Variants in FBXO34 observed in about 807,000 individuals in gnomAD.
The protein encoded by FBXO34 is F-box only protein 34.
A neutral mutation model predicts 24.5 loss-of-function variants in FBXO34; 12 were observed. The ratio of observed to expected loss-of-function variants is 0.49; its 90% CI spans 0.31 to 0.79. FBXO34 has a LOEUF of 0.79. Ranked by LOEUF, FBXO34 falls within the 30% of genes least tolerant of loss-of-function variation. The pLI is 0.04. For missense variants in FBXO34, 823 were observed against 857.7 expected (o/e 0.96, Z 0.51); for synonymous variants, 320 against 311.9 (o/e 1.03, Z -0.27).
intron 1 of FBXO34, among the ~76,000 whole-genome samples, chr14:55,286,746 G>T (rs1163271466): frequency 2.0e-5 from 3 of 151,812 alleles, no homozygotes; most frequent in African/African-American, 7.2e-5. Context: ...TTTGATGTTT[G>T]TACTACAGGT....
chr14:55,403,625 T>C, the FBXO34 span, among the ~76,000 whole-genome samples: 6 of 152,174 alleles, frequency 3.9e-5, no homozygotes, highest in East Asian at 1.2e-3. Context: ...AAAGGAATAA[T>C]ATTGTGTACC....
At chr14:55,411,582 G>T in the FBXO34 span, 3 of 1,589,806 alleles carry the variant, frequency 1.9e-6, no homozygotes, top group Non-Finnish European at 2.6e-6. Flanking sequence ...GAAACAATAG[G>T]GCCGTGGCGG....
exon 3 of FBXO34, chr14:55,367,363 G>C (rs1336851492): frequency 6.6e-6 from 1 of 152,126 alleles, no homozygotes; most frequent in African/African-American, 2.4e-5. Context: ...CACTCTCTAC[G>C]AACTCCAGAA....
the FBXO34 span, among the ~76,000 whole-genome samples, chr14:55,408,671 T>A: frequency 8.4e-3 from 1,271 of 152,162 alleles, 21 homozygotes; most frequent in African/African-American, 0.029. Context: ...CTCAAAAGGT[T>A]AAGATGGGAG....
chr14:55,307,653 G>GT (rs1298832270), intron 1 of FBXO34, among the ~76,000 whole-genome samples: 2 of 152,142 alleles, frequency 1.3e-5, no homozygotes, highest in Non-Finnish European at 2.9e-5. Flanking sequence ...ATGAGCAAAG[G>GT]TTTTTTTGTG....
chr14:55,380,876 T>TATATATATATATATATATATATA, the FBXO34 span, among the ~76,000 whole-genome samples: 2 of 84,338 alleles, frequency 2.4e-5, no homozygotes, highest in Admixed American at 1.1e-4. Context: ...TATATATATA[T>TATATATATATATATATATATATA]TTTTTTTTTT....
chr14:55,394,142 G>A, the FBXO34 span, among the ~76,000 whole-genome samples: 1 of 151,948 alleles, frequency 6.6e-6, no homozygotes, highest in Non-Finnish European at 1.5e-5. Context: ...GAGTAGCTGG[G>A]ATTACAGGCG....
At chr14:55,275,580 T>G (rs1381837853) in intron 1 of FBXO34, among the ~76,000 whole-genome samples, 4 of 151,088 alleles carry the variant, frequency 2.6e-5, no homozygotes, top group African/African-American at 9.8e-5. Flanking sequence ...GTTGGGAGGC[T>G]GAGGCGGGCA....
chr14:55,395,936 T>C, the FBXO34 span: 2 of 1,587,636 alleles, frequency 1.3e-6, no homozygotes, highest in Non-Finnish European at 8.6e-7. Context: ...GTATTACAAC[T>C]TACCAACTGA....
At chr14:55,428,125 T>TTTTTTTTTC in the FBXO34 span, among the ~76,000 whole-genome samples, 1 of 92,366 alleles carries the variant, frequency 1.1e-5, no homozygotes, top group Non-Finnish European at 2.3e-5. Flanking sequence ...TTATCTTTTT[T>TTTTTTTTTC]TTTTTTTTTT....
chr14:55,437,369 T>C, the FBXO34 span, among the ~76,000 whole-genome samples: 2 of 152,192 alleles, frequency 1.3e-5, no homozygotes, highest in Non-Finnish European at 2.9e-5. Context: ...TCCCAGCTAC[T>C]GGGGAGGCTG....
At chr14:55,328,730 G>A (rs1442337478) in intron 1 of FBXO34, among the ~76,000 whole-genome samples, 1 of 152,214 alleles carries the variant, frequency 6.6e-6, no homozygotes, top group Non-Finnish European at 1.5e-5. Flanking sequence ...CGTAGGTAAT[G>A]TTTAGAGCTG....
rs1043374114 is a variant in FBXO34, at chr14:55,352,308, G to A, written c.1918G>A (p.Val640Met). 2.5e-6 allele frequency: 4 copies of A among 1,614,168 alleles called. No individual in the cohort carries two copies. In the East Asian group the frequency reaches 8.9e-5, roughly 36 times the overall value. The change falls in exon 2 of 2, where the codon GTG becomes ATG. Residue 640 changes from valine to methionine, a missense_variant. Transcript: ENST00000313833. ...DPCKQCKKKY[V>M]KGDVSLCRWH... ...TTGCAAACAGTGCAAGAAAAAGTAT[G>A]TGAAAGGGGATGTGTCCCTGTGCCG...
chr14:55,360,652 G>A (rs116456095), intron 3 of FBXO34, among the ~76,000 whole-genome samples: 3,001 of 152,096 alleles, frequency 0.02, 78 homozygotes, highest in African/African-American at 0.069. Flanking sequence ...AACAACGAGA[G>A]GCTAGACTTG....
chr14:55,287,396 C>A (rs1881798327), intron 1 of FBXO34, among the ~76,000 whole-genome samples: 1 of 152,064 alleles, frequency 6.6e-6, no homozygotes, highest in Admixed American at 6.5e-5. Flanking sequence ...TACTGATAAG[C>A]AGTCATTTTC....
intron 1 of FBXO34, among the ~76,000 whole-genome samples, chr14:55,338,779 G>A (rs147061959): frequency 0.014 from 2,097 of 152,078 alleles, 67 homozygotes; most frequent in African/African-American, 0.049. Context: ...GGTGGCAGGC[G>A]CCTCTAGTCC....
chr14:55,323,218 A>AAAG (rs1566555819), intron 1 of FBXO34, among the ~76,000 whole-genome samples: 2 of 31,630 alleles, frequency 6.3e-5, no homozygotes, highest in Non-Finnish European at 8.4e-5. Flanking sequence ...AAAAAAAAAA[A>AAAG]ATATATATTT....
At chr14:55,318,663 C>A (rs1972221) in intron 1 of FBXO34, among the ~76,000 whole-genome samples, 44,671 of 150,858 alleles carry the variant, frequency 0.3, 6,976 homozygotes, top group Non-Finnish European at 0.33. Flanking sequence ...CTGTACTGGG[C>A]TTTATCAGTT....
At chr14:55,440,806 C>A in the FBXO34 span, among the ~76,000 whole-genome samples, 1 of 152,146 alleles carries the variant, frequency 6.6e-6, no homozygotes, top group Admixed American at 6.5e-5. Context: ...GTGGTCTTTG[C>A]TCCCAGGAGA....
Sources: gnomAD v4.1 joint callset for allele counts (sites outside exome capture counted in the v4.1 genomes callset) on GRCh38, gnomAD v4.1.1 for gene constraint, MANE v1.5 for transcripts, NCBI Gene and HGNC (gene_info 2026-07-23, HGNC 2026-07-21) for gene names.